The following RASGRP3 variants were observed in gnomAD, a reference collection of about 807,000 sequenced individuals.
RASGRP3 encodes ras guanyl-releasing protein 3.
A neutral mutation model predicts 82.7 loss-of-function variants in RASGRP3; 54 were observed. The ratio of observed to expected loss-of-function variants is 0.65; its 90% confidence interval spans 0.52 to 0.82. The LOEUF (loss-of-function observed/expected upper bound fraction) is 0.82, where lower values mean the gene tolerates loss of function less well. Among genes scored for constraint, RASGRP3 ranks in the 40% least tolerant of loss-of-function variants. RASGRP3 has a pLI of 0.00. For synonymous variants in RASGRP3, 309 were observed against 300.5 expected (o/e 1.03, Z -0.29); for missense variants, 861 against 828.9 (o/e 1.04, Z -0.48).
At chr2:33,458,141 T>A (rs1666147317) in intron 2 of RASGRP3, 1 of 152,166 alleles carries the variant, frequency 6.6e-6, no homozygotes, top group Admixed American at 6.5e-5. Context: ...GTAAGTTGGG[T>A]CCAAAATCGG....
chr2:33,438,210 T>C (rs1243585773), intron 1 of RASGRP3, among the ~76,000 whole-genome samples: 3 of 152,244 alleles, frequency 2.0e-5, no homozygotes, highest in Non-Finnish European at 4.4e-5. Flanking sequence ...GAATATATTT[T>C]TTCACTTGTA....
In RASGRP3 at chr2:33,487,564, C is replaced by T; in HGVS notation, c.-261+10857C>T. Among the ~76,000 whole-genome samples, 2 of 152,106 alleles carry T rather than the reference C, an allele frequency of 1.3e-5. 1 individual carries two copies. Among genetic ancestry groups the T allele is most frequent in the Non-Finnish European group, 2.9e-5 (2 of 68,020 alleles). On this transcript the variant is annotated intron_variant, in intron 1 of 17. Transcript: ENST00000403687. ...AAAGGATTCCTTGAAAAGCAGTTAG[C>T]CTGGTTCAGCATTATACAGAGACTA...
At chr2:33,520,395 A>T (rs1327803859) in intron 5 of RASGRP3, among the ~76,000 whole-genome samples, 158 bp from the exon 6 acceptor site, 6 of 152,258 alleles carry the variant, frequency 3.9e-5, no homozygotes, top group African/African-American at 1.4e-4. Flanking sequence ...GCTCCATGTG[A>T]TGGATGGGGT....
chr2:33,543,540 A>G lies in RASGRP3; in HGVS notation c.1307A>G (p.His436Arg), dbSNP rs1459146579. 4 of 1,609,358 alleles carry G rather than the reference A, an allele frequency of 2.5e-6. No individual in the cohort carries two copies. Among genetic ancestry groups the G allele is most frequent in the Non-Finnish European group, 3.4e-6 (4 of 1,176,280 alleles). ...ESVFRNYDHD[H>R]DGYISQEDFE... ...GTATTTAGAAACTATGATCACGACC[A>G]TGATGGGTACATTTCCCAAGAGGAC... Residue 436 changes from histidine (H) to arginine (R), a missense_variant, in exon 13 of 18, where the codon CAT (histidine) becomes CGT (arginine). Physicochemically the swap from His to Arg is conservative, Grantham distance 29 (BLOSUM62 0). Coordinates refer to ENST00000403687, the MANE Select transcript of RASGRP3 (RefSeq NM_001139488.2).
chr2:33,516,514 C>T (rs1262899971), intron 3 of RASGRP3, 28 bp from the exon 4 acceptor site: 2 of 1,438,380 alleles, frequency 1.4e-6, no homozygotes, highest in African/African-American at 2.8e-5. Flanking sequence ...CTATTATCTC[C>T]TCACTTCTTG....
intron 1 of RASGRP3, among the ~76,000 whole-genome samples, chr2:33,484,737 G>A (rs1248112278): frequency 6.6e-6 from 1 of 152,164 alleles, no homozygotes; most frequent in East Asian, 1.9e-4. Flanking sequence ...TCACTCAGAG[G>A]TAGACAGATT....
intron 1 of RASGRP3, among the ~76,000 whole-genome samples, chr2:33,442,987 G>A (rs1017138680): frequency 1.3e-5 from 2 of 151,886 alleles, no homozygotes; most frequent in Admixed American, 1.3e-4. Context: ...CCACAACAGG[G>A]ATTTGCTGCT....
chr2:33,504,092 C>T (rs991387330), intron 1 of RASGRP3, among the ~76,000 whole-genome samples: 1 of 152,146 alleles, frequency 6.6e-6, no homozygotes, highest in Non-Finnish European at 1.5e-5. Flanking sequence ...TCATTTTTCA[C>T]GTAGTGATAA....
At chr2:33,528,932 A>T (rs979704937) in intron 10 of RASGRP3, among the ~76,000 whole-genome samples, 1 of 152,174 alleles carries the variant, frequency 6.6e-6, no homozygotes, top group African/African-American at 2.4e-5. Context: ...AAGTGATCAG[A>T]GTTGCAGCCC....
At chr2:33,450,254 T>G (rs1413616306) in intron 2 of RASGRP3, among the ~76,000 whole-genome samples, 2 of 152,240 alleles carry the variant, frequency 1.3e-5, no homozygotes, top group African/African-American at 4.8e-5. Flanking sequence ...TGAGAACATT[T>G]AAGATATATC....
intron 15 of RASGRP3, 150 bp from the exon 16 acceptor site, chr2:33,558,061 T>C: frequency 9.4e-7 from 1 of 1,058,516 alleles, no homozygotes; most frequent in Non-Finnish European, 1.4e-6. Context: ...TTCCAGATCC[T>C]AGACACACCC....
intron 10 of RASGRP3, chr2:33,533,184 C>T (rs1223231870): frequency 6.6e-6 from 1 of 152,168 alleles, no homozygotes. Flanking sequence ...TTATTTTAAG[C>T]CTCATGACTT....
intron 1 of RASGRP3, among the ~76,000 whole-genome samples, chr2:33,492,324 A>C (rs1269243327): frequency 1.3e-5 from 2 of 152,156 alleles, no homozygotes; most frequent in Non-Finnish European, 2.9e-5. Flanking sequence ...ACCTGCTTCG[A>C]GCCCCCAAGG....
At chr2:33,461,653 G>A (rs6756871) in intron 2 of RASGRP3, among the ~76,000 whole-genome samples, 1 of 152,164 alleles carries the variant, frequency 6.6e-6, no homozygotes, top group African/African-American at 2.4e-5. Flanking sequence ...AAGAAATCTT[G>A]TAGCAATAAT....
At position 33,539,078 on chromosome 2, in the gene RASGRP3, T is replaced by G; in HGVS notation, c.1162-16T>G. On this transcript the variant is annotated splice_polypyrimidine_tract_variant and intron_variant, in intron 11 of 17. Coordinates refer to ENST00000403687, the MANE Select transcript of RASGRP3 (RefSeq NM_001139488.2). Reference sequence around the variant, plus strand: ...AATAAAGTTGAAAAATATGTGGTTTTTTTTTTGTTTATCAGCAGCCTACCT... The same window carrying G: ...AATAAAGTTGAAAAATATGTGGTTTGTTTTTTGTTTATCAGCAGCCTACCT... 6.6e-7 allele frequency: 1 copy of G among 1,517,556 alleles called. No homozygotes were observed. Among genetic ancestry groups the G allele is most frequent in the South Asian group, 1.2e-5 (1 of 80,310 alleles). 94.0% of individuals were successfully genotyped at this position (1,517,556 alleles called of 1,614,324 possible).
intron 1 of RASGRP3, among the ~76,000 whole-genome samples, chr2:33,446,136 A>G (rs1182444200): frequency 6.6e-6 from 1 of 152,030 alleles, no homozygotes; most frequent in Non-Finnish European, 1.5e-5. Context: ...TGGTTCCCAA[A>G]TAGGGTAATT....
At chr2:33,505,172 C>A (rs1458256832) in intron 1 of RASGRP3, among the ~76,000 whole-genome samples, 1 of 152,006 alleles carries the variant, frequency 6.6e-6, no homozygotes, top group African/African-American at 2.4e-5. Context: ...CCACCACCAC[C>A]ACCACCATTA....
At chr2:33,469,220 T>C (rs1290967904) in intron 2 of RASGRP3, among the ~76,000 whole-genome samples, 6 of 152,198 alleles carry the variant, frequency 3.9e-5, no homozygotes, top group Non-Finnish European at 8.8e-5. Context: ...ATTAACCCTT[T>C]ACCATACGTA....
intron 17 of RASGRP3, among the ~76,000 whole-genome samples, chr2:33,560,488 G>A (rs769048135): frequency 3.9e-5 from 6 of 152,190 alleles, no homozygotes; most frequent in African/African-American, 9.7e-5. Flanking sequence ...TTTATACTCC[G>A]TGTAAAATAT....
Sources: gnomAD v4.1 joint callset for allele counts (sites outside exome capture counted in the v4.1 genomes callset) on GRCh38, gnomAD v4.1.1 for gene constraint, MANE v1.5 for transcripts, NCBI Gene and HGNC (gene_info 2026-07-23, HGNC 2026-07-21) for gene names.